ASCC3: variants seen among roughly 807,000 people sequenced by gnomAD.
ASCC3 encodes activating signal cointegrator 1 complex subunit 3.
In ASCC3, 158 loss-of-function variants were observed where a neutral mutation model predicts 256.3. The ratio of observed to expected loss-of-function variants is 0.62; its 90% CI spans 0.54 to 0.70. The LOEUF (loss-of-function observed/expected upper bound fraction) is 0.70. ASCC3 is among the 30% of genes least tolerant of loss of function. ASCC3 has a pLI of 0.00. For synonymous variants in ASCC3, 948 were observed against 883.4 expected (o/e 1.07, Z -1.30); for missense variants, 2,259 against 2,626.0 (o/e 0.86, Z 3.05).
chr6:100,685,907 C>G (rs2114975338), intron 13 of ASCC3, among the ~76,000 whole-genome samples: 1 of 152,304 alleles, frequency 6.6e-6, no homozygotes. Context: ...ACAGTGCGAG[C>G]CAGCTGAAGA....
intron 4 of ASCC3, among the ~76,000 whole-genome samples, chr6:100,841,876 T>A (rs931084392): frequency 6.6e-6 from 1 of 152,174 alleles, no homozygotes; most frequent in African/African-American, 2.4e-5. Context: ...TGGTATACCA[T>A]TTGAATAAAA....
chr6:100,874,471 A>C (rs1164171420), intron 1 of ASCC3, among the ~76,000 whole-genome samples: 1 of 150,896 alleles, frequency 6.6e-6, no homozygotes. Context: ...TCTCAAAAAA[A>C]AAAAAAAAAA....
At chr6:100,745,067 G>A (rs1022113965) in intron 10 of ASCC3, among the ~76,000 whole-genome samples, 2 of 152,136 alleles carry the variant, frequency 1.3e-5, no homozygotes, top group East Asian at 1.9e-4. Context: ...GGGGGCTCAC[G>A]CCTGTAATCC....
chr6:100,535,466 G>GTTTTTTTTTTTTT (rs34575315), intron 37 of ASCC3, among the ~76,000 whole-genome samples: 1 of 98,626 alleles, frequency 1.0e-5, no homozygotes, highest in Non-Finnish European at 1.9e-5. Context: ...TGGTTTTCGT[G>GTTTTTTTTTTTTT]TTTTTTTTTT....
At chr6:100,858,311 C>G (rs1234691081) in intron 3 of ASCC3, 7 of 345,882 alleles carry the variant, frequency 2.0e-5, no homozygotes, top group East Asian at 1.7e-4. Context: ...TCTTTATGCC[C>G]TTACTTTTTC....
chr6:100,820,994 G>A (rs771801446), intron 4 of ASCC3, among the ~76,000 whole-genome samples: 11 of 152,168 alleles, frequency 7.2e-5, no homozygotes, highest in Non-Finnish European at 1.3e-4. Flanking sequence ...GGAGAAAACA[G>A]TTTGCTGTTT....
chr6:100,780,327 G>A (rs1782384103), intron 8 of ASCC3, among the ~76,000 whole-genome samples: 1 of 152,120 alleles, frequency 6.6e-6, no homozygotes, highest in African/African-American at 2.4e-5. Flanking sequence ...CTCATAAATT[G>A]ATAAATAAAC....
chr6:100,817,396 G>A (rs1484415215), intron 4 of ASCC3, among the ~76,000 whole-genome samples: 2 of 150,962 alleles, frequency 1.3e-5, no homozygotes, highest in Non-Finnish European at 3.0e-5. Flanking sequence ...TAAACCTAAA[G>A]CAAGCAGAAG....
At chr6:100,584,240 C>T (rs1400471989) in intron 36 of ASCC3, among the ~76,000 whole-genome samples, 1 of 151,312 alleles carries the variant, frequency 6.6e-6, no homozygotes, top group Non-Finnish European at 1.5e-5. Flanking sequence ...TTGTAGGTCA[C>T]TCAGGACTTG....
At chr6:100,584,278 G>C (rs532860222) in intron 36 of ASCC3, among the ~76,000 whole-genome samples, 2 of 151,430 alleles carry the variant, frequency 1.3e-5, no homozygotes, top group South Asian at 2.1e-4. Context: ...CTCCTGTATT[G>C]GGTGCATATA....
chr6:100,537,242 G>C (rs1775205198), intron 37 of ASCC3, among the ~76,000 whole-genome samples: 1 of 152,092 alleles, frequency 6.6e-6, no homozygotes, highest in East Asian at 1.9e-4. Context: ...GATACACTAA[G>C]AGGACAAACC....
At chr6:100,805,367 G>T (rs1049521539) in intron 5 of ASCC3, among the ~76,000 whole-genome samples, 1 of 152,068 alleles carries the variant, frequency 6.6e-6, no homozygotes, top group African/African-American at 2.4e-5. Context: ...AAAGGGGAGC[G>T]AGAGGGAGTA....
At chr6:100,718,371 A>T (rs572980677) in intron 11 of ASCC3, 120 bp from the exon 12 acceptor site, 7 of 741,036 alleles carry the variant, frequency 9.4e-6, no homozygotes, top group Non-Finnish European at 1.5e-5. Flanking sequence ...GTAGAGGTCA[A>T]TTGAGGGTCC....
intron 19 of ASCC3, among the ~76,000 whole-genome samples, chr6:100,651,110 A>G (rs1775647092): frequency 6.6e-6 from 1 of 151,260 alleles, no homozygotes; most frequent in Admixed American, 6.7e-5. Context: ...TTATAGTCAT[A>G]TATTTTTATA....
At chr6:100,806,192 T>G (rs1394941314) in intron 4 of ASCC3, among the ~76,000 whole-genome samples, 1 of 152,034 alleles carries the variant, frequency 6.6e-6, no homozygotes, top group African/African-American at 2.4e-5. Context: ...AATAATTTAA[T>G]TTGCTCTTCA....
chr6:100,511,825 C>T (rs1245950379), intron 40 of ASCC3, among the ~76,000 whole-genome samples: 1 of 152,004 alleles, frequency 6.6e-6, no homozygotes, highest in East Asian at 1.9e-4. Flanking sequence ...CTTGAAGGTA[C>T]AATACTGAAA....
chr6:100,550,067 T>C (rs747955923), intron 36 of ASCC3, among the ~76,000 whole-genome samples: 4 of 151,940 alleles, frequency 2.6e-5, no homozygotes, highest in Non-Finnish European at 5.9e-5. Flanking sequence ...GCAGGAGCTT[T>C]CTGTCAAGTA....
chr6:100,564,949 A>C (rs1232268418), intron 36 of ASCC3, among the ~76,000 whole-genome samples: 2 of 152,220 alleles, frequency 1.3e-5, no homozygotes, highest in African/African-American at 4.8e-5. Context: ...TGCTTTGTGT[A>C]ACAAAAAGGC....
chr6:100,629,790 G>A (rs1774441526), intron 26 of ASCC3, among the ~76,000 whole-genome samples: 3 of 151,974 alleles, frequency 2.0e-5, no homozygotes, highest in African/African-American at 7.3e-5. Context: ...GAGAGAGAAG[G>A]AAAAGAAAAA....
Sources: gnomAD v4.1 joint callset for allele counts (sites outside exome capture counted in the v4.1 genomes callset) on GRCh38, gnomAD v4.1.1 for gene constraint, MANE v1.5 for transcripts, NCBI Gene and HGNC (gene_info 2026-07-23, HGNC 2026-07-21) for gene names.